TRIB3: variants seen among roughly 807,000 people sequenced by gnomAD.
TRIB3 encodes tribbles pseudokinase 3.
Under a neutral mutation model 16.6 loss-of-function variants are expected in TRIB3, and 20 were observed. The observed-to-expected ratio is 1.20, with a 90% confidence interval of 0.85 to 1.75. The LOEUF (loss-of-function observed/expected upper bound fraction) is 1.75, where lower values mean the gene tolerates loss of function less well. Ranked by LOEUF, TRIB3 falls within the 40% of genes most tolerant of loss-of-function variation. TRIB3 has a pLI of 0.00. For missense variants in TRIB3, 484 were observed against 488.9 expected, an observed-to-expected ratio of 0.99 and a Z score of 0.10; for synonymous variants, 208 against 217.0, an observed-to-expected ratio of 0.96 and a Z score of 0.36.
chr20:382,582 A>T, intron 1 of TRIB3: 2 of 1,535,500 alleles, frequency 1.3e-6, no homozygotes, highest in Non-Finnish European at 1.7e-6. Flanking sequence ...GAATAACAGG[A>T]TGAGTGCTAA....
chr20:387,041 A>G (rs6051609), intron 1 of TRIB3, among the ~76,000 whole-genome samples: 1,556 of 152,198 alleles, frequency 0.01, 17 homozygotes, highest in African/African-American at 0.03. Context: ...GTGAGCCACC[A>G]CGCCTGGCCA....
rs748933318 is a variant in TRIB3, at chr20:391,307, C to T, written c.312C>T (p.Ala104=). Residue 104 remains alanine, a synonymous_variant, in exon 3 of 4, where the codon GCC becomes GCT. Transcript: ENST00000217233. Reference sequence around the variant, plus strand: ...CACAGGTGTACCCCGTCCAGGAAGCCCTGGCCGTGCTGGAGCCCTATGCGC... The same window carrying T: ...CACAGGTGTACCCCGTCCAGGAAGCTCTGGCCGTGCTGGAGCCCTATGCGC... ...YTCKVYPVQE[A]LAVLEPYARL... The T allele has an allele frequency of 5.0e-6, 8 of 1,612,710 alleles. No homozygotes were observed. Among genetic ancestry groups the T allele is most frequent in the Middle Eastern group, 1.7e-4 (1 of 5,962 alleles).
In TRIB3 at chr20:388,062, C is replaced by T. The variant is rs559951555; in HGVS notation, c.52C>T (p.Arg18Trp). 21 of 1,614,122 alleles carry T rather than the reference C, an allele frequency of 1.3e-5. No homozygotes were observed. The highest frequency in any genetic ancestry group is 4.5e-5 in the East Asian group (2 of 44,884). ...APAGSLSRKK[R>W]LELDDNLDTE... The stretch of plus-strand genomic sequence containing the variant: ...TGCGGGTTCCCTGTCCAGGAAGAAG[C>T]GGTTGGAGTTGGATGACAACTTAGA... Residue 18 changes from arginine to tryptophan, a missense_variant, in exon 2 of 4, where the codon CGG becomes TGG. Transcript: ENST00000217233.
chr20:391,277 C>G lies in TRIB3; in HGVS notation c.292-10C>G. ...TCCCCAGCTGTGCTAACACCATGCT[C>G]TGCCCACAGGTGTACCCCGTCCAGG... is the stretch of plus-strand genomic sequence containing the variant. On this transcript the variant is annotated splice_polypyrimidine_tract_variant and intron_variant, in intron 2 of 3. Coordinates refer to ENST00000217233, the MANE Select transcript of TRIB3 (RefSeq NM_021158.5). The G allele has an allele frequency of 6.2e-7, 1 of 1,609,464 alleles. No individual in the cohort carries two copies. Among genetic ancestry groups the G allele is most frequent in the South Asian group, 1.1e-5 (1 of 90,916 alleles).
chr20:387,515 GCCA>G (rs2014850370), intron 1 of TRIB3, among the ~76,000 whole-genome samples: 2 of 151,190 alleles, frequency 1.3e-5, no homozygotes, highest in African/African-American at 4.9e-5. Context: ...TTCACTTGAG[GCCA>G]CGAGTTTGAG....
intron 3 of TRIB3, among the ~76,000 whole-genome samples, chr20:395,478 T>G (rs1387906990): frequency 6.6e-6 from 1 of 152,050 alleles, no homozygotes; most frequent in Non-Finnish European, 1.5e-5. Context: ...CTTTTTTTTT[T>G]GCCCTGCTTA....
chr20:391,332 C>A lies in TRIB3; in HGVS notation c.337C>A (p.Arg113=), dbSNP rs773647097. The A allele has an allele frequency of 6.2e-7, 1 of 1,613,134 alleles. No homozygotes were observed. The highest frequency in any genetic ancestry group is 1.3e-5 in the African/African-American group (1 of 74,936). Residue 113 remains arginine, a synonymous_variant, in exon 3 of 4, where the codon CGG becomes AGG. Coordinates refer to ENST00000217233, the MANE Select transcript of TRIB3 (RefSeq NM_021158.5). ...CCTGGCCGTGCTGGAGCCCTATGCG[C>A]GGCTGCCCCCGCACAAGCATGTGGC... The part of the protein sequence containing the change: ...EALAVLEPYA[R]LPPHKHVARP...
intron 1 of TRIB3, among the ~76,000 whole-genome samples, chr20:386,720 A>C (rs1021511953): frequency 4.0e-5 from 6 of 151,756 alleles, no homozygotes; most frequent in East Asian, 1.9e-4. Context: ...TTACAGGCCC[A>C]CGCCACCACG....
At chr20:384,230 C>G (rs1427089851) in intron 1 of TRIB3, among the ~76,000 whole-genome samples, 1 of 152,168 alleles carries the variant, frequency 6.6e-6, no homozygotes, top group Non-Finnish European at 1.5e-5. Context: ...CATGATGTTC[C>G]CCTGCTGAAA....
At chr20:388,851 C>T (rs1382115277) in intron 2 of TRIB3, among the ~76,000 whole-genome samples, 10 of 152,000 alleles carry the variant, frequency 6.6e-5, no homozygotes, top group Non-Finnish European at 1.5e-5. Flanking sequence ...CCTGGGACCT[C>T]GGAGGTGATC....
chr20:382,433 G>C (rs909742533), intron 1 of TRIB3: 7 of 1,173,072 alleles, frequency 6.0e-6, no homozygotes, highest in Non-Finnish European at 7.2e-6. Flanking sequence ...TGCTGCACAG[G>C]GCACAAAGCA....
rs1199100255 is a variant in TRIB3, at chr20:396,623, C to G, written c.1010C>G (p.Pro337Arg). 6.2e-7 allele frequency: 1 copy of G among 1,613,118 alleles called. No homozygotes were observed. Among genetic ancestry groups the G allele is most frequent in the Non-Finnish European group, 8.5e-7 (1 of 1,180,034 alleles). Residue 337 changes from proline to arginine, a missense_variant, in exon 4 of 4, where the codon CCT (proline) becomes CGT (arginine). Coordinates refer to ENST00000217233, the MANE Select transcript of TRIB3 (RefSeq NM_021158.5). ...CTCTGGGAGGCTGCCCAGGTGGTCC[C>G]TGATGGACTGGGGCTGGACGAAGCC... ...SHLWEAAQVV[P>R]DGLGLDEARE...
At chr20:383,154 G>A (rs930472101) in intron 1 of TRIB3, among the ~76,000 whole-genome samples, 2 of 152,164 alleles carry the variant, frequency 1.3e-5, no homozygotes, top group Admixed American at 6.5e-5. Context: ...ACACAGCTGC[G>A]TGAATGGTGG....
At chr20:394,032 C>CTTTTTT (rs745870371) in intron 3 of TRIB3, among the ~76,000 whole-genome samples, 2 of 123,658 alleles carry the variant, frequency 1.6e-5, no homozygotes, top group Non-Finnish European at 3.3e-5. Context: ...TTCTTTCTTT[C>CTTTTTT]TTTTTTTTTT....
chr20:382,545 G>C, intron 1 of TRIB3: 1 of 1,535,672 alleles, frequency 6.5e-7, no homozygotes, highest in Non-Finnish European at 8.7e-7. Flanking sequence ...GACTCCCAAG[G>C]ATGGTACTTA....
Position 397,466 on chromosome 20 carries a change from C to T in TRIB3, c.*776C>T, listed in dbSNP as rs1332926750. ...CCCAGGTGGGACTCTTCTGGGGACA[C>T]TTGGGGTCCACAATCCCAGGTCCAT... On this transcript the variant is annotated 3_prime_UTR_variant, in exon 4 of 4. Coordinates refer to ENST00000217233, the MANE Select transcript of TRIB3 (RefSeq NM_021158.5). 1 of 152,188 alleles carries T rather than the reference C, an allele frequency of 6.6e-6. No homozygotes were observed. Among genetic ancestry groups the T allele is most frequent in the Non-Finnish European group, 1.5e-5 (1 of 68,030 alleles). The allele number at this position is 152,188 out of a possible 1,614,324, so 9.4% of individuals were successfully genotyped here.
Position 396,362 on chromosome 20 carries a change from C to A in TRIB3, c.749C>A (p.Ala250Glu), listed in dbSNP as rs2122710356. ...GCCGATGTCTGGAGCCTGGGCGTGG[C>A]GCTCTTCACCATGCTGGCCGGCCAC... ...KAADVWSLGV[A>E]LFTMLAGHYP... The change falls in exon 4 of 4, where the codon GCG (alanine) becomes GAG (glutamate). Residue 250 changes from alanine to glutamate, a missense_variant. Physicochemically the swap from Ala to Glu is moderately radical, Grantham distance 107. Coordinates refer to ENST00000217233, the MANE Select transcript of TRIB3 (RefSeq NM_021158.5). The A allele has an allele frequency of 6.2e-7, 1 of 1,613,574 alleles. No homozygotes were observed. Among genetic ancestry groups the A allele is most frequent in the East Asian group, 2.2e-5 (1 of 44,886 alleles).
At chr20:388,747 A>G (rs2014893012) in intron 2 of TRIB3, among the ~76,000 whole-genome samples, 1 of 152,182 alleles carries the variant, frequency 6.6e-6, no homozygotes, top group African/African-American at 2.4e-5. Context: ...GCAGCTGGTC[A>G]TGAAGGTGTT....
At chr20:394,527 G>A (rs2015073278) in intron 3 of TRIB3, among the ~76,000 whole-genome samples, 1 of 152,164 alleles carries the variant, frequency 6.6e-6, no homozygotes, top group South Asian at 2.1e-4. Flanking sequence ...GCCCACACCT[G>A]TTATCCCAGT....
Sources: allele counts gnomAD v4.1 joint callset (sites outside exome capture counted in the v4.1 genomes callset), GRCh38; gene constraint gnomAD v4.1.1; transcripts MANE v1.5; gene names NCBI Gene and HGNC (gene_info 2026-07-23, HGNC 2026-07-21).